PLCL1: variants seen among roughly 807,000 people sequenced by gnomAD.
The protein encoded by PLCL1 is phospholipase C like 1 (inactive), also known as inactive phospholipase C-like protein 1.
Under a neutral mutation model 84.4 loss-of-function variants are expected in PLCL1, and 41 were observed. That is an observed-to-expected ratio of 0.49 (90% CI 0.38 to 0.63). The LOEUF is 0.63. Ranked by LOEUF, PLCL1 falls within the 30% of genes least tolerant of loss-of-function variation. The pLI, the probability that PLCL1 is intolerant of heterozygous loss-of-function variation, is 0.00. For synonymous variants in PLCL1, 490 were observed against 488.3 expected, an observed-to-expected ratio of 1.00 and a Z score of -0.05; for missense variants, 1,206 against 1,367.8, an observed-to-expected ratio of 0.88 and a Z score of 1.87.
At chr2:198,090,352 A>G (rs116713891) in intron 3 of PLCL1, among the ~76,000 whole-genome samples, 1,532 of 151,688 alleles carry the variant, frequency 0.01, 21 homozygotes, top group African/African-American at 0.034. Flanking sequence ...ATGTTTTTAT[A>G]TAAGAGTGAA....
chr2:197,923,952 T>G (rs1688777731), intron 1 of PLCL1, among the ~76,000 whole-genome samples: 1 of 151,698 alleles, frequency 6.6e-6, no homozygotes, highest in Non-Finnish European at 1.5e-5. Context: ...GGTTAGGGGC[T>G]GGAGACCGGC....
chr2:198,014,009 A>C (rs960497793), intron 1 of PLCL1, among the ~76,000 whole-genome samples: 1 of 152,030 alleles, frequency 6.6e-6, no homozygotes, highest in Non-Finnish European at 1.5e-5. Flanking sequence ...GCCTGTTTCA[A>C]CCTGTGTGTC....
intron 1 of PLCL1, among the ~76,000 whole-genome samples, chr2:197,906,415 GTCTATATC>G (rs1014912897): frequency 6.6e-6 from 1 of 151,828 alleles, no homozygotes; most frequent in Admixed American, 6.6e-5. Context: ...TGTTCTATTG[GTCTATATC>G]TCTGTTTTGG....
intron 1 of PLCL1, among the ~76,000 whole-genome samples, chr2:197,859,446 T>C (rs2105691659): frequency 6.6e-6 from 1 of 152,342 alleles, no homozygotes; most frequent in African/African-American, 2.4e-5. Flanking sequence ...CTGTATTTTC[T>C]TTTAAAAAGT....
chr2:197,891,521 G>A (rs1460815762), intron 1 of PLCL1, among the ~76,000 whole-genome samples: 2 of 152,120 alleles, frequency 1.3e-5, no homozygotes, highest in Non-Finnish European at 2.9e-5. Flanking sequence ...GAATTGGAAA[G>A]GGGATTATTG....
At chr2:197,894,646 G>A (rs1302642309) in intron 1 of PLCL1, among the ~76,000 whole-genome samples, 1 of 152,048 alleles carries the variant, frequency 6.6e-6, no homozygotes, top group Non-Finnish European at 1.5e-5. Context: ...TAAGAATGGT[G>A]TAGGATCAGC....
intron 3 of PLCL1, among the ~76,000 whole-genome samples, chr2:198,093,262 A>G (rs1201012833): frequency 2.0e-5 from 3 of 152,192 alleles, no homozygotes; most frequent in African/African-American, 7.2e-5. Flanking sequence ...TGTACAACAC[A>G]AAGAGTCAAC....
At chr2:198,032,196 G>A (rs1231124562) in intron 1 of PLCL1, among the ~76,000 whole-genome samples, 1 of 152,166 alleles carries the variant, frequency 6.6e-6, no homozygotes, top group Non-Finnish European at 1.5e-5. Flanking sequence ...AGCAGACTGT[G>A]AAAACCTACT....
intron 1 of PLCL1, among the ~76,000 whole-genome samples, chr2:198,066,745 T>G (rs562465539): frequency 6.6e-6 from 1 of 152,284 alleles, no homozygotes; most frequent in South Asian, 2.1e-4. Flanking sequence ...TAGGGGCCTG[T>G]GTTAGTGGAG....
At chr2:198,127,993 TAAAATAAGGAGAAA>T (rs529095177) in intron 5 of PLCL1, among the ~76,000 whole-genome samples, 85 of 152,284 alleles carry the variant, frequency 5.6e-4, no homozygotes, top group Middle Eastern at 3.4e-3. Flanking sequence ...AAAGCGGCTC[TAAAATAAGGAGAAA>T]AAAATTAGGA....
At position 197,967,394 on chromosome 2, in the gene PLCL1, A is replaced by T. The variant is rs1689766727; in HGVS notation, c.241-116364A>T. Reference sequence around the variant, plus strand: ...GTATTTTTAGTAGAGATGGGGTTTCACCATGTTGGCCAGGCTGTTCTCTTT... The same window carrying T: ...GTATTTTTAGTAGAGATGGGGTTTCTCCATGTTGGCCAGGCTGTTCTCTTT... On this transcript the variant is annotated intron_variant, in intron 1 of 5. Transcript: ENST00000428675. Among the ~76,000 whole-genome samples, 4 of 152,178 alleles carry T rather than the reference A, an allele frequency of 2.6e-5. 1 individual carries two copies. The highest frequency in any genetic ancestry group is 3.4e-3 in the Middle Eastern group (1 of 294).
intron 1 of PLCL1, among the ~76,000 whole-genome samples, chr2:198,003,648 T>A (rs1338016830): frequency 6.6e-6 from 1 of 152,220 alleles, no homozygotes; most frequent in Non-Finnish European, 1.5e-5. Flanking sequence ...TGGCTCAACC[T>A]ATGCTTAATA....
At chr2:197,931,598 T>G (rs1688932453) in intron 1 of PLCL1, among the ~76,000 whole-genome samples, 1 of 76,934 alleles carries the variant, frequency 1.3e-5, no homozygotes, top group South Asian at 3.7e-4. Context: ...TTGAGTATGA[T>G]TCAAGAAATA....
intron 1 of PLCL1, among the ~76,000 whole-genome samples, chr2:197,844,624 A>G (rs563275854): frequency 2.8e-4 from 42 of 152,016 alleles, no homozygotes; most frequent in South Asian, 8.3e-4. Flanking sequence ...CATTATTTTA[A>G]TCTCTTCATG....
At chr2:197,943,788 T>C (rs1035099384) in intron 1 of PLCL1, among the ~76,000 whole-genome samples, 2 of 152,214 alleles carry the variant, frequency 1.3e-5, no homozygotes, top group Non-Finnish European at 2.9e-5. Flanking sequence ...TTTAATTTTC[T>C]TTGAATGTCT....
intron 1 of PLCL1, among the ~76,000 whole-genome samples, chr2:198,004,086 A>G (rs766495560): frequency 6.6e-6 from 1 of 152,202 alleles, no homozygotes; most frequent in Non-Finnish European, 1.5e-5. Flanking sequence ...ATATTCCTAT[A>G]TATTAAATTA....
intron 1 of PLCL1, among the ~76,000 whole-genome samples, chr2:197,987,027 C>T (rs1406428597): frequency 3.3e-5 from 5 of 152,138 alleles, no homozygotes; most frequent in African/African-American, 1.2e-4. Context: ...ACTTCATATC[C>T]CATGTTTTCT....
rs193040520 is a variant in PLCL1, at chr2:197,997,883, A to G, written c.241-85875A>G. On this transcript the variant is annotated intron_variant, in intron 1 of 5. Coordinates refer to ENST00000428675, the MANE Select transcript of PLCL1 (RefSeq NM_006226.4). ...CCCTGAGGCTGATTCATTCAATTCT[A>G]TATTTAATGTTTCATTTAGTAACAC... Among the ~76,000 whole-genome samples the G allele has an allele frequency of 2.0e-5, 3 of 152,304 alleles. No individual in the cohort carries two copies. In the East Asian group the frequency reaches 5.8e-4, roughly 29 times the overall value.
At chr2:198,035,898 A>G (rs1009602249) in intron 1 of PLCL1, among the ~76,000 whole-genome samples, 2 of 152,092 alleles carry the variant, frequency 1.3e-5, no homozygotes, top group Non-Finnish European at 2.9e-5. Context: ...TTAGCCGGGC[A>G]TGGGGTGTGC....
Sources: gnomAD v4.1 joint callset for allele counts (sites outside exome capture counted in the v4.1 genomes callset) on GRCh38, gnomAD v4.1.1 for gene constraint, MANE v1.5 for transcripts, NCBI Gene and HGNC (gene_info 2026-07-23, HGNC 2026-07-21) for gene names.